Variants in APTX observed in about 807,000 individuals in gnomAD.
APTX encodes aprataxin.
A neutral mutation model predicts 42.3 loss-of-function variants in APTX; 33 were observed. The observed-to-expected ratio is 0.78, with a 90% CI of 0.59 to 1.04. The LOEUF is 1.04. Among genes scored for constraint, APTX ranks in the 50% least tolerant of loss-of-function variants. The pLI, the probability that APTX is intolerant of heterozygous loss-of-function variation, is 0.00. For synonymous variants in APTX, 130 were observed against 146.7 expected (o/e 0.89, Z 0.82); for missense variants, 421 against 415.1 (o/e 1.01, Z -0.12).
chr9:33,019,550 G>A (rs549653116), intron 1 of APTX: 37 of 337,872 alleles, frequency 1.1e-4, no homozygotes, highest in African/African-American at 5.8e-4. Context: ...GAGAAAACAA[G>A]GGACCCCTGA....
chr9:33,005,487 A>G (rs1407613107), upstream of APTX, among the ~76,000 whole-genome samples: 3 of 150,784 alleles, frequency 2.0e-5, no homozygotes, highest in African/African-American at 7.3e-5. Context: ...CCCAGGCTGG[A>G]GTGCAGTGAT....
Position 33,011,706 on chromosome 9 carries a change from T to C in APTX, c.-5+13317A>G, listed in dbSNP as rs544181646. 3.9e-5 allele frequency among the ~76,000 whole-genome samples: 6 copies of C among 152,294 alleles called. No individual in the cohort carries two copies. The South Asian group carries it at 8.3e-4, about 21-fold the overall frequency. On this transcript the variant is annotated intron_variant, in intron 1 of 6. Transcript: ENST00000436040. ...TATCCATTCATCAAACACTTAAGAG[T>C]GCCTTCTCTGTGTCACGCAGTGGGG...
At chr9:32,998,287 G>T (rs1299972754) in intron 1 of APTX, among the ~76,000 whole-genome samples, 1 of 152,166 alleles carries the variant, frequency 6.6e-6, no homozygotes, top group Non-Finnish European at 1.5e-5. Flanking sequence ...GGTTCACTCA[G>T]GCAATGTGTA....
Position 32,984,946 on chromosome 9 carries a change from C to G in APTX, c.544-89G>C, listed in dbSNP as rs928515353. The G allele has an allele frequency of 7.3e-6, 9 of 1,238,632 alleles. No homozygotes were observed. The African/African-American group carries it at 1.3e-4, about 18-fold the overall frequency. 76.7% of individuals were successfully genotyped at this position (1,238,632 alleles called of 1,614,324 possible). ...TTATATTCACTAAGTCACTTAATTC[C>G]CACAGTCTTGTGCAAATGGTTTTAA... is the stretch of plus-strand genomic sequence containing the variant. On this transcript the variant is annotated intron_variant, in intron 5 of 7. Coordinates refer to ENST00000379817, the MANE Select transcript of APTX (RefSeq NM_001195248.2).
At chr9:33,015,530 TG>T (rs1190065486) in intron 1 of APTX, among the ~76,000 whole-genome samples, 1 of 152,146 alleles carries the variant, frequency 6.6e-6, no homozygotes, top group Non-Finnish European at 1.5e-5. Flanking sequence ...TGCTAATTTT[TG>T]TATTTTTAGT....
upstream of APTX, among the ~76,000 whole-genome samples, chr9:33,005,477 C>T (rs1837072437): frequency 6.6e-6 from 1 of 151,928 alleles, no homozygotes; most frequent in African/African-American, 2.4e-5. Flanking sequence ...TGCTCTGTTG[C>T]CCAGGCTGGA....
At chr9:32,997,078 C>A (rs1301602238) in intron 1 of APTX, among the ~76,000 whole-genome samples, 1 of 152,240 alleles carries the variant, frequency 6.6e-6, no homozygotes, top group East Asian at 1.9e-4. Flanking sequence ...AGAATGGGTT[C>A]TTAACCACTG....
At chr9:33,010,268 C>G (rs1037747847) in intron 1 of APTX, among the ~76,000 whole-genome samples, 8 of 152,200 alleles carry the variant, frequency 5.3e-5, no homozygotes, top group African/African-American at 1.9e-4. Context: ...CGGATACCCA[C>G]ATCCCACAGT....
intron 1 of APTX, among the ~76,000 whole-genome samples, chr9:33,023,562 T>C (rs1318007459): frequency 1.3e-5 from 2 of 152,198 alleles, no homozygotes; most frequent in East Asian, 3.8e-4. Flanking sequence ...CCTAGTACAC[T>C]GCCTGGTAAT....
intron 6 of APTX, among the ~76,000 whole-genome samples, chr9:32,981,998 A>G (rs185701781): frequency 1.8e-3 from 271 of 152,230 alleles, no homozygotes; most frequent in African/African-American, 6.0e-3. Context: ...ATGAATTAAA[A>G]AAAAAAAAAC....
rs777796109 is a variant in APTX, at chr9:32,989,843, T to A, written c.49A>T (p.Ile17Phe). The change falls in exon 2 of 8, where the codon ATC becomes TTC. Residue 17 changes from isoleucine (I) to phenylalanine (F), a missense_variant. Ile to Phe is a conservative substitution (Grantham distance 21). Transcript: ENST00000379817. ...ACTGCTTCCAAATGTGGAAGTCTGA[T>A]TCGCTGGTGCCGGCTGTCCTGTCTC... ...LVRQDSRHQR[I>F]RLPHLEAVVI... The A allele has an allele frequency of 6.8e-6, 11 of 1,614,128 alleles. No individual in the cohort carries two copies. The highest frequency in any genetic ancestry group is 7.6e-6 in the Non-Finnish European group (9 of 1,180,046).
rs1563972046 is a variant in APTX at position 32,989,745 on chromosome 9, CTA to C, written c.133+12_133+13del. 1.9e-6 allele frequency: 3 copies of C among 1,614,242 alleles called. No individual in the cohort carries two copies. The African/African-American group carries it at 4.0e-5, about 22-fold the overall frequency. Reference sequence around the variant, plus strand: ...CATAACCATAGTAATCTCCACATTTCTATGACCAGTTACCTTGCTGTCGAGAA... The same window carrying C: ...CATAACCATAGTAATCTCCACATTTCTGACCAGTTACCTTGCTGTCGAGAA... On this transcript the variant is annotated intron_variant, in intron 2 of 7. Transcript: ENST00000379817.
At chr9:32,991,631 A>C (rs905651605) in intron 1 of APTX, among the ~76,000 whole-genome samples, 2 of 151,972 alleles carry the variant, frequency 1.3e-5, no homozygotes, top group African/African-American at 4.8e-5. Flanking sequence ...AAAATACAAA[A>C]ATTAGCCAGG....
At chr9:33,015,871 C>G (rs1171934437) in intron 1 of APTX, 1 of 152,022 alleles carries the variant, frequency 6.6e-6, no homozygotes, top group Admixed American at 6.6e-5. Context: ...TTTCTGACAA[C>G]AAGATTATGG....
chr9:33,024,034 C>A (rs1271405543), intron 1 of APTX, among the ~76,000 whole-genome samples: 1 of 152,208 alleles, frequency 6.6e-6, no homozygotes, highest in Non-Finnish European at 1.5e-5. Flanking sequence ...GCCACTTTCC[C>A]AAAGAAATTC....
At chr9:32,984,315 A>G (rs1321807251) in intron 6 of APTX, among the ~76,000 whole-genome samples, 1 of 152,244 alleles carries the variant, frequency 6.6e-6, no homozygotes, top group Non-Finnish European at 1.5e-5. Context: ...GAAGAATCTG[A>G]TAAAAGCCAC....
At chr9:32,986,407 T>G (rs7869706) in intron 4 of APTX, among the ~76,000 whole-genome samples, 48,932 of 151,764 alleles carry the variant, frequency 0.32, 8,213 homozygotes, top group Non-Finnish European at 0.37. Flanking sequence ...AGGTTGGCCA[T>G]GCTGGTCTTG....
chr9:33,017,040 CATA>C (rs1361718694), intron 1 of APTX, among the ~76,000 whole-genome samples: 2 of 152,198 alleles, frequency 1.3e-5, no homozygotes, highest in African/African-American at 4.8e-5. Context: ...TTCCTCTATT[CATA>C]ATACTTTGAA....
chr9:32,983,337 A>T (rs1191643107), intron 6 of APTX, among the ~76,000 whole-genome samples: 1 of 152,186 alleles, frequency 6.6e-6, no homozygotes, highest in Non-Finnish European at 1.5e-5. Context: ...TCTATGCTGA[A>T]GGAAATAAAA....
Sources: allele counts gnomAD v4.1 joint callset (sites outside exome capture counted in the v4.1 genomes callset), GRCh38; gene constraint gnomAD v4.1.1; transcripts MANE v1.5; gene names NCBI Gene and HGNC (gene_info 2026-07-23, HGNC 2026-07-21).